PIH1D1: variants seen among roughly 807,000 people sequenced by gnomAD.
The protein encoded by PIH1D1 is PIH1 domain containing 1.
A neutral mutation model predicts 38.5 loss-of-function variants in PIH1D1; 28 were observed. That is an observed-to-expected ratio of 0.73 (90% CI 0.54 to 1.00). The LOEUF is 1.00. Among genes scored for constraint, PIH1D1 ranks in the 50% least tolerant of loss-of-function variants. The pLI is 0.00. For synonymous variants in PIH1D1, 155 were observed against 153.5 expected, an observed-to-expected ratio of 1.01 and a Z score of -0.07; for missense variants, 343 against 369.9, an observed-to-expected ratio of 0.93 and a Z score of 0.60.
intron 5 of PIH1D1, 120 bp from the exon 6 acceptor site, chr19:49,447,587 G>A (rs1464513128): frequency 5.6e-6 from 7 of 1,256,604 alleles, no homozygotes; most frequent in Non-Finnish European, 7.8e-6. Flanking sequence ...ACCACACCCC[G>A]CAGGCTTGGC....
In PIH1D1 at chr19:49,451,803, C is replaced by G; in HGVS notation, c.-229G>C. 4.6e-6 allele frequency: 6 copies of G among 1,308,932 alleles called. No homozygotes were observed. Among genetic ancestry groups the G allele is most frequent in the East Asian group, 2.8e-5 (1 of 35,868 alleles). 81.1% of individuals were successfully genotyped at this position (1,308,932 alleles called of 1,614,324 possible). A position where few individuals can be genotyped will look rare whatever the true frequency, so the allele number is the denominator to read the frequency against. ...ACGCACTACCCTCCGTCCTACGTGCCGAACTGTAAACGAAGCCACACTTCC... is the reference window on the plus strand; with the variant it reads ...ACGCACTACCCTCCGTCCTACGTGCGGAACTGTAAACGAAGCCACACTTCC... On this transcript the variant is annotated 5_prime_UTR_variant, in exon 1 of 9. Transcript: ENST00000262265.
chr19:49,450,666 G>A (rs1244138824), intron 2 of PIH1D1, 116 bp downstream of exon 2: 4 of 882,724 alleles, frequency 4.5e-6, no homozygotes, highest in South Asian at 1.6e-5. Flanking sequence ...GATCTCTGTG[G>A]GTGTCTGCTC....
In PIH1D1 at chr19:49,450,082, T is replaced by G. The variant is rs181409108; in HGVS notation, c.158-428A>C. Among the ~76,000 whole-genome samples, 104 of 151,022 alleles carry G rather than the reference T, an allele frequency of 6.9e-4. No individual in the cohort carries two copies. In the East Asian group the frequency reaches 0.02, roughly 29 times the overall value. ...AGTGCTGGGCTCCCGGCCCCCTCTC[T>G]TCTTTGTTTTCTCCTTGTTTGTTTT... is the stretch of plus-strand genomic sequence containing the variant. On this transcript the variant is annotated intron_variant, in intron 2 of 8. Coordinates refer to ENST00000262265, the MANE Select transcript of PIH1D1 (RefSeq NM_017916.3).
intron 3 of PIH1D1, chr19:49,448,979 G>T (rs2079041344): frequency 9.7e-6 from 3 of 308,424 alleles, no homozygotes. Flanking sequence ...ATCACCTGAG[G>T]TCAGGAGTCT....
At position 49,451,616 on chromosome 19, in the gene PIH1D1, G is replaced by A. The variant is rs779728842; in HGVS notation, c.-42C>T. 2.3e-5 allele frequency: 37 copies of A among 1,606,926 alleles called. No individual in the cohort carries two copies. The highest frequency in any genetic ancestry group is 1.3e-4 in the Admixed American group (8 of 59,570). On this transcript the variant is annotated 5_prime_UTR_variant, in exon 1 of 9. It adds an upstream start codon to the 5' untranslated region. Coordinates refer to ENST00000262265, the MANE Select transcript of PIH1D1 (RefSeq NM_017916.3). ...TCTAGGCGTCCTCGAGACCCTCAACGTGGGAAACTTTGCCCAGGATCCGAA... is the reference window on the plus strand; with the variant it reads ...TCTAGGCGTCCTCGAGACCCTCAACATGGGAAACTTTGCCCAGGATCCGAA...
In PIH1D1 at chr19:49,450,291, C is replaced by T. The variant is rs190621877; in HGVS notation, c.157+491G>A. 2.6e-5 allele frequency among the ~76,000 whole-genome samples: 4 copies of T among 152,192 alleles called. No individual in the cohort carries two copies. In the East Asian group the frequency reaches 7.7e-4, roughly 29 times the overall value. ...TATTTTTAGTAGAGATGAGGTCTCA[C>T]TATGTTGCACAGGCTGGTCTTGAAT... On this transcript the variant is annotated intron_variant, in intron 2 of 8. Coordinates refer to ENST00000262265, the MANE Select transcript of PIH1D1 (RefSeq NM_017916.3).
intron 2 of PIH1D1, among the ~76,000 whole-genome samples, 191 bp downstream of exon 2, chr19:49,450,591 A>C (rs1271238774): frequency 6.6e-6 from 1 of 151,434 alleles, no homozygotes. Flanking sequence ...GCCTCTTCCT[A>C]TCTCTGATTC....
intron 6 of PIH1D1, 82 bp downstream of exon 6, chr19:49,447,256 A>C (rs780092528): frequency 1.3e-6 from 2 of 1,579,764 alleles, no homozygotes; most frequent in African/African-American, 1.3e-5. Flanking sequence ...GCCCCAGGAC[A>C]TCACCCAGTG....
At chr19:49,450,729 C>G (rs2079053314) in intron 2 of PIH1D1, 53 bp downstream of exon 2, 1 of 1,074,064 alleles carries the variant, frequency 9.3e-7, no homozygotes, top group Non-Finnish European at 1.3e-6. Flanking sequence ...TTCCTCCTCT[C>G]TCTGTCCTCT....
At position 49,449,463 on chromosome 19, in the gene PIH1D1, G is replaced by A. The variant is rs540673120; in HGVS notation, c.337+12C>T. 1 of 1,613,852 alleles carries A rather than the reference G, an allele frequency of 6.2e-7. No individual in the cohort carries two copies. The highest frequency in any genetic ancestry group is 2.2e-5 in the East Asian group (1 of 44,874). On this transcript the variant is annotated intron_variant, in intron 3 of 8. Transcript: ENST00000262265. The stretch of plus-strand genomic sequence containing the variant: ...AGCGGGCCAGACTCCTGGGTCCTCT[G>A]AGGGCACTGACTTGCATCCAGTTCT...
rs922629876 is a variant in PIH1D1, at chr19:49,446,587, A to G, written c.795T>C (p.Ser265=). The G allele has an allele frequency of 5.0e-6, 8 of 1,613,650 alleles. No homozygotes were observed. The African/African-American group carries it at 1.1e-4, about 22-fold the overall frequency. ...GGTGGAAGGCTGCCTTGCTCTCATG[A>G]GAGTTGATCTGCAGCGGGATATAAG... The part of the protein sequence containing the change: ...LDAYIPLQIN[S]HESKAAFHRK... The change falls in exon 8 of 9, where the codon TCT becomes TCC. Residue 265 remains serine (S), a synonymous_variant. Coordinates refer to ENST00000262265, the MANE Select transcript of PIH1D1 (RefSeq NM_017916.3).
intron 1 of PIH1D1, chr19:49,451,228 A>G: frequency 2.0e-6 from 1 of 489,376 alleles, no homozygotes; most frequent in Non-Finnish European, 3.6e-6. Flanking sequence ...ACGGGGTTTC[A>G]CCGTGTTAGC....
At chr19:49,447,937 C>T (rs200416358) in intron 4 of PIH1D1, 29 bp from the exon 5 acceptor site, 1 of 1,613,848 alleles carries the variant, frequency 6.2e-7, no homozygotes, top group East Asian at 2.2e-5. Flanking sequence ...AAAAGACAGG[C>T]GGTGGCGGGG....
At position 49,450,817 on chromosome 19, in the gene PIH1D1, G is replaced by C. The variant is rs2079053944; in HGVS notation, c.122C>G (p.Thr41Ser). The C allele has an allele frequency of 1.9e-6, 3 of 1,613,122 alleles. No homozygotes were observed. In the Admixed American group the frequency reaches 5.0e-5, roughly 27 times the overall value. Reference protein sequence around the residue: ...ASKELQQAQTTRPESTQIQPQ... With the variant: ...ASKELQQAQTSRPESTQIQPQ... Reference sequence around the variant, plus strand: ...CTGGATTTGTGTCGATTCTGGTCTGGTTGTCTGGGCTTGCTGGAGCTCCTT... The same window carrying C: ...CTGGATTTGTGTCGATTCTGGTCTGCTTGTCTGGGCTTGCTGGAGCTCCTT... The change falls in exon 2 of 9, where the codon ACC becomes AGC. Residue 41 changes from threonine (T) to serine (S), a missense_variant. Coordinates refer to ENST00000262265, the MANE Select transcript of PIH1D1 (RefSeq NM_017916.3).
At position 49,447,836 on chromosome 19, in the gene PIH1D1, G is replaced by A. The variant is rs760728523; in HGVS notation, c.472C>T (p.Leu158=). The A allele has an allele frequency of 1.9e-6, 3 of 1,614,120 alleles. No individual in the cohort carries two copies. The highest frequency in any genetic ancestry group is 2.2e-5 in the South Asian group (2 of 91,084). ...AGGACCTGCCCCTCACCCGGATTCA[G>A]CTGCAAGTTGTATTTGTCCTCAAGG... is the stretch of plus-strand genomic sequence containing the variant. The part of the protein sequence containing the change: ...EGLEDKYNLQ[L]NPEWRMMKNR... The change falls in exon 5 of 9, where the codon CTG becomes TTG. Residue 158 remains leucine, a synonymous_variant. Transcript: ENST00000262265.
At position 49,451,626 on chromosome 19, in the gene PIH1D1, T is replaced by C. The variant is rs1340180975; in HGVS notation, c.-52A>G. On this transcript the variant is annotated 5_prime_UTR_variant, in exon 1 of 9. Coordinates refer to ENST00000262265, the MANE Select transcript of PIH1D1 (RefSeq NM_017916.3). ...CTCGAGACCCTCAACGTGGGAAACT[T>C]TGCCCAGGATCCGAACCCCAGTGCC... The C allele has an allele frequency of 2.5e-6, 4 of 1,603,146 alleles. No homozygotes were observed. Among genetic ancestry groups the C allele is most frequent in the Non-Finnish European group, 3.4e-6 (4 of 1,177,482 alleles).
intron 3 of PIH1D1, 107 bp from the exon 4 acceptor site, chr19:49,448,169 G>C (rs918764115): frequency 1.1e-5 from 13 of 1,133,932 alleles, no homozygotes; most frequent in Non-Finnish European, 1.7e-5. Context: ...GTAAGAAGCA[G>C]AGAGAGACAT....
intron 3 of PIH1D1, chr19:49,448,982 A>G: frequency 3.2e-6 from 1 of 308,734 alleles, no homozygotes; most frequent in Non-Finnish European, 6.4e-6. Context: ...ACCTGAGGTC[A>G]GGAGTCTGAG....
chr19:49,450,893 A>G, intron 1 of PIH1D1, 45 bp from the exon 2 acceptor site: 1 of 1,613,436 alleles, frequency 6.2e-7, no homozygotes, highest in East Asian at 2.2e-5. Flanking sequence ...CTGTGCCATC[A>G]GACCCCTCAT....
Sources: gnomAD v4.1 joint callset for allele counts (sites outside exome capture counted in the v4.1 genomes callset) on GRCh38, gnomAD v4.1.1 for gene constraint, MANE v1.5 for transcripts, NCBI Gene and HGNC (gene_info 2026-07-23, HGNC 2026-07-21) for gene names.